Variants in B4GALNT3 observed in about 807,000 individuals in gnomAD.
B4GALNT3 encodes the protein beta-1,4-N-acetyl-galactosaminyltransferase 3.
B4GALNT3 carries 86 observed loss-of-function variants against 120.2 expected under a neutral mutation model. The observed-to-expected ratio is 0.72, with a 90% CI of 0.60 to 0.86. The LOEUF is 0.86. Among genes scored for constraint, B4GALNT3 ranks in the 40% least tolerant of loss-of-function variants. The probability of loss-of-function intolerance (pLI) is 0.00; values close to 1 mark genes in which losing one functional copy is unlikely to be tolerated. For missense variants in B4GALNT3, 1,167 were observed against 1,298.9 expected (o/e 0.90, Z 1.56); for synonymous variants, 518 against 510.4 (o/e 1.01, Z -0.20).
At chr12:515,316 A>G (rs1213461874) in intron 1 of B4GALNT3, among the ~76,000 whole-genome samples, 1 of 152,036 alleles carries the variant, frequency 6.6e-6, no homozygotes, top group East Asian at 1.9e-4. Context: ...CCTCCCGAGT[A>G]CTGAGTAGCT....
intron 1 of B4GALNT3, among the ~76,000 whole-genome samples, chr12:528,457 G>A (rs140129883): frequency 1.3e-5 from 2 of 152,332 alleles, no homozygotes; most frequent in East Asian, 1.9e-4. Flanking sequence ...ATATGTATGT[G>A]TATATAAATG....
chr12:552,761 A>G, intron 13 of B4GALNT3: 1 of 564,848 alleles, frequency 1.8e-6, no homozygotes, highest in South Asian at 2.4e-5. Context: ...CAGCTGGAGG[A>G]GAGTGAGAGC....
At chr12:503,354 G>C (rs1176239832) in intron 1 of B4GALNT3, among the ~76,000 whole-genome samples, 1 of 152,050 alleles carries the variant, frequency 6.6e-6, no homozygotes, top group African/African-American at 2.4e-5. Context: ...CACTCACACA[G>C]CCTCTTTTTC....
At chr12:505,637 T>C (rs974630765) in intron 1 of B4GALNT3, among the ~76,000 whole-genome samples, 3 of 152,230 alleles carry the variant, frequency 2.0e-5, no homozygotes, top group Non-Finnish European at 4.4e-5. Flanking sequence ...ATTTTCAGAA[T>C]GTTCCCACTG....
chr12:521,567 A>C (rs1014297580), intron 1 of B4GALNT3, among the ~76,000 whole-genome samples: 2 of 152,212 alleles, frequency 1.3e-5, no homozygotes, highest in Non-Finnish European at 1.5e-5. Context: ...AACTACAGTG[A>C]AGGACCGTTC....
intron 3 of B4GALNT3, among the ~76,000 whole-genome samples, chr12:543,968 C>T (rs1160109402): frequency 3.0e-5 from 4 of 134,614 alleles, no homozygotes; most frequent in Non-Finnish European, 4.7e-5. Context: ...GTGGGATGCT[C>T]ATCCTCCTGG....
intron 1 of B4GALNT3, among the ~76,000 whole-genome samples, chr12:513,432 A>T (rs772555453): frequency 6.6e-6 from 1 of 152,178 alleles, no homozygotes; most frequent in African/African-American, 2.4e-5. Flanking sequence ...TAGGCCATAT[A>T]GGGTTAACTT....
At chr12:466,263 G>A (rs530461468) in intron 1 of B4GALNT3, among the ~76,000 whole-genome samples, 18 of 152,304 alleles carry the variant, frequency 1.2e-4, no homozygotes, top group Non-Finnish European at 2.5e-4. Flanking sequence ...AGGCCATGGA[G>A]CCTGGGCTTG....
intron 1 of B4GALNT3, among the ~76,000 whole-genome samples, chr12:479,450 C>A (rs1490263355): frequency 3.3e-5 from 5 of 152,130 alleles, no homozygotes; most frequent in Admixed American, 2.6e-4. Context: ...GACTTTGAAT[C>A]TGGTCATCAG....
At chr12:496,221 A>G (rs1392984112) in intron 1 of B4GALNT3, among the ~76,000 whole-genome samples, 1 of 152,164 alleles carries the variant, frequency 6.6e-6, no homozygotes, top group Non-Finnish European at 1.5e-5. Context: ...CTTTTCTGGT[A>G]TCCAGCAGCC....
chr12:501,014 C>T (rs1166592169), intron 1 of B4GALNT3, among the ~76,000 whole-genome samples: 2 of 151,462 alleles, frequency 1.3e-5, no homozygotes, highest in African/African-American at 4.9e-5. Flanking sequence ...GCTGGGATTA[C>T]AGGCTCACCC....
chr12:559,247 C>T (rs765509497), intron 18 of B4GALNT3, 48 bp from the exon 19 acceptor site: 1 of 1,611,766 alleles, frequency 6.2e-7, no homozygotes. Context: ...CTTCCTTCCT[C>T]CTCCTGGCCT....
Position 550,798 on chromosome 12 carries a change from A to T in B4GALNT3, c.998-124A>T. The stretch of plus-strand genomic sequence containing the variant: ...CAGCCTCCAGCTGGCAGCCTCAGCC[A>T]CAGACGTCGGCAGAACACAGCTGCC... On this transcript the variant is annotated intron_variant, in intron 10 of 19. Coordinates refer to ENST00000266383, the MANE Select transcript of B4GALNT3 (RefSeq NM_173593.4). This position sits in a 1 kb window ranked among gnomAD's most constrained non-coding sequence, Gnocchi z 4.1. 1.3e-6 allele frequency: 1 copy of T among 764,376 alleles called. No individual in the cohort carries two copies. Among genetic ancestry groups the T allele is most frequent in the Non-Finnish European group, 2.1e-6 (1 of 472,618 alleles). The allele number at this position is 764,376 out of a possible 1,614,324, so 47.3% of individuals were successfully genotyped here. A position where few individuals can be genotyped will look rare whatever the true frequency, so the allele number is the denominator to read the frequency against.
intron 1 of B4GALNT3, among the ~76,000 whole-genome samples, chr12:497,374 C>T (rs1230496182): frequency 2.0e-5 from 3 of 152,078 alleles, no homozygotes; most frequent in Non-Finnish European, 2.9e-5. Context: ...GCTGTTCTCA[C>T]TCAGGTGAAC....
At chr12:528,197 C>T (rs7980975) in intron 1 of B4GALNT3, among the ~76,000 whole-genome samples, 33,640 of 151,910 alleles carry the variant, frequency 0.22, 5,012 homozygotes, top group African/African-American at 0.42. Context: ...TCTTTTCCGG[C>T]TTATTCTATT....
At chr12:522,171 CCAAGAG>C (rs2120623876) in intron 1 of B4GALNT3, among the ~76,000 whole-genome samples, 1 of 152,258 alleles carries the variant, frequency 6.6e-6, no homozygotes, top group East Asian at 1.9e-4. Context: ...AATGTGCCTT[CCAAGAG>C]CATGGCAAGC....
In B4GALNT3 at chr12:542,768, C is replaced by T. The variant is rs556170133; in HGVS notation, c.352-1571C>T. On this transcript the variant is annotated intron_variant, in intron 3 of 19. Transcript: ENST00000266383. The stretch of plus-strand genomic sequence containing the variant: ...GGTTCCAACCCAACTGGCACTGCCC[C>T]GAGGCTGTCCCAGGAGCAGCTTGCT... 4.6e-5 allele frequency among the ~76,000 whole-genome samples: 7 copies of T among 152,332 alleles called. No individual in the cohort carries two copies. The East Asian group carries it at 5.8e-4, about 13-fold the overall frequency.
intron 1 of B4GALNT3, among the ~76,000 whole-genome samples, chr12:511,681 C>T (rs1317997834): frequency 6.9e-6 from 1 of 144,156 alleles, no homozygotes; most frequent in African/African-American, 2.6e-5. Context: ...CGCCTTCCGC[C>T]TTCCACCTTC....
chr12:552,630 T>G (rs760495851), intron 13 of B4GALNT3, 102 bp downstream of exon 13: 67 of 1,154,064 alleles, frequency 5.8e-5, no homozygotes, highest in Non-Finnish European at 7.4e-5. Flanking sequence ...CCTGAGGAGC[T>G]CAAGATCCAA....
Sources: gnomAD v4.1 joint callset for allele counts (sites outside exome capture counted in the v4.1 genomes callset) on GRCh38, gnomAD v4.1.1 for gene constraint, Gnocchi (gnomAD v3.1) non-coding constraint, MANE v1.5 for transcripts, NCBI Gene and HGNC (gene_info 2026-07-23, HGNC 2026-07-21) for gene names.